Variants in MYBPHL observed in about 807,000 individuals in gnomAD.
MYBPHL encodes the protein myosin-binding protein H-like.
MYBPHL carries 32 observed loss-of-function variants against 39.5 expected under a neutral mutation model. The observed-to-expected ratio is 0.81, with a 90% confidence interval of 0.61 to 1.09. MYBPHL has a LOEUF of 1.09. Ranked by LOEUF, MYBPHL falls within the 50% of genes least tolerant of loss-of-function variation. The pLI is 0.00. For synonymous variants in MYBPHL, 196 were observed against 183.7 expected (o/e 1.07, Z -0.54); for missense variants, 456 against 460.2 (o/e 0.99, Z 0.08).
intron 7 of MYBPHL, among the ~76,000 whole-genome samples, chr1:109,294,762 G>C (rs1015682601): frequency 6.6e-6 from 1 of 152,146 alleles, no homozygotes. Context: ...AAAGAAAAAT[G>C]AGCTGAGCGA....
rs542841461 is a variant in MYBPHL, at chr1:109,302,155, TGA to T, written c.146-3900_146-3899del. 4.6e-5 allele frequency among the ~76,000 whole-genome samples: 7 copies of T among 152,094 alleles called. No homozygotes were observed. The South Asian group carries it at 1.2e-3, about 27-fold the overall frequency. ...TGAATGGTGTGTGTATGTGTGTGTA[TGA>T]GAGTGTGTGTGTGAGAGAGAGAGGG... On this transcript the variant is annotated intron_variant, in intron 1 of 8. Coordinates refer to ENST00000357155, the MANE Select transcript of MYBPHL (RefSeq NM_001010985.3).
chr1:109,300,035 T>C (rs1036611562), intron 1 of MYBPHL, among the ~76,000 whole-genome samples: 5 of 152,126 alleles, frequency 3.3e-5, no homozygotes, highest in Non-Finnish European at 5.9e-5. Flanking sequence ...TTCCCCACTG[T>C]TGGGGGAGGA....
intron 1 of MYBPHL, among the ~76,000 whole-genome samples, chr1:109,303,223 G>C (rs1394396460): frequency 2.0e-5 from 3 of 151,894 alleles, no homozygotes; most frequent in African/African-American, 7.3e-5. Flanking sequence ...GCAATTCTTT[G>C]GCACCACTGA....
chr1:109,298,059 C>T (rs1261358586), intron 2 of MYBPHL, 110 bp downstream of exon 2: 25 of 937,980 alleles, frequency 2.7e-5, no homozygotes, highest in African/African-American at 3.4e-5. Flanking sequence ...CCCTTCTATC[C>T]AAGGCTGGGA....
intron 7 of MYBPHL, among the ~76,000 whole-genome samples, chr1:109,294,750 A>C (rs888012158): frequency 2.6e-5 from 4 of 152,170 alleles, no homozygotes; most frequent in Non-Finnish European, 4.4e-5. Context: ...ATTGCACAGC[A>C]TAAAGAAAAA....
At position 109,296,289 on chromosome 1, in the gene MYBPHL, G is replaced by A. The variant is rs1293258597; in HGVS notation, c.812C>T (p.Thr271Ile). The A allele has an allele frequency of 3.1e-6, 5 of 1,613,932 alleles. No individual in the cohort carries two copies. Among genetic ancestry groups the A allele is most frequent in the Non-Finnish European group, 4.2e-6 (5 of 1,179,952 alleles). ...CTGGGTATTATAGCCGGTGACTGTA[G>A]TGCAGTCGGCCAGAGGCTGGGTAAA... ...PKFTQPLADC[T>I]TVTGYNTQLF... The change falls in exon 6 of 9, where the codon ACT becomes ATT. Residue 271 changes from threonine (T) to isoleucine (I), a missense_variant. Physicochemically the swap from Thr to Ile is moderately conservative, Grantham distance 89. Transcript: ENST00000357155.
At chr1:109,303,787 T>C (rs1658371694) in intron 1 of MYBPHL, among the ~76,000 whole-genome samples, 1 of 152,112 alleles carries the variant, frequency 6.6e-6, no homozygotes, top group Admixed American at 6.5e-5. Flanking sequence ...GGCTGTCTCG[T>C]AGACAAACCA....
chr1:109,296,704 G>T, intron 5 of MYBPHL, 79 bp downstream of exon 5: 1 of 1,552,770 alleles, frequency 6.4e-7, no homozygotes, highest in Non-Finnish European at 8.9e-7. Context: ...CTCCCAAAGT[G>T]CTGGAATTAG....
intron 1 of MYBPHL, among the ~76,000 whole-genome samples, chr1:109,301,426 C>A (rs1398501134): frequency 6.6e-6 from 1 of 152,124 alleles, no homozygotes; most frequent in Non-Finnish European, 1.5e-5. Context: ...CTGTTTAATT[C>A]TTTCTAAAAA....
At chr1:109,294,994 G>A in intron 7 of MYBPHL, 117 bp downstream of exon 7, 1 of 889,242 alleles carries the variant, frequency 1.1e-6, no homozygotes, top group Non-Finnish European at 1.7e-6. Flanking sequence ...TGATGAAAGA[G>A]TCCAGCGGAG....
chr1:109,297,028 C>T, intron 4 of MYBPHL, 22 bp downstream of exon 4: 1 of 1,614,136 alleles, frequency 6.2e-7, no homozygotes, highest in Non-Finnish European at 8.5e-7. Flanking sequence ...TTCCACCCTC[C>T]TTCCTTCCCA....
intron 5 of MYBPHL, 74 bp from the exon 6 acceptor site, chr1:109,296,444 T>TC (rs1214476962): frequency 1.3e-5 from 19 of 1,409,062 alleles, no homozygotes; most frequent in African/African-American, 5.9e-5. Context: ...CCTTAGTATT[T>TC]TTTTTTTTTT....
At chr1:109,292,765 T>G (rs590502) in intron 8 of MYBPHL, 177 bp from the exon 9 acceptor site, 69,108 of 152,166 alleles carry the variant, frequency 0.45, 17,057 homozygotes, top group Middle Eastern at 0.57. Flanking sequence ...GTGAGAGCCT[T>G]AAATAAATGT....
At chr1:109,302,650 C>T (rs770898970) in intron 1 of MYBPHL, among the ~76,000 whole-genome samples, 8 of 152,276 alleles carry the variant, frequency 5.3e-5, no homozygotes, top group Middle Eastern at 3.4e-3. Context: ...TCACATCTGG[C>T]CCACCACTCC....
intron 1 of MYBPHL, among the ~76,000 whole-genome samples, chr1:109,301,992 T>C (rs1256755807): frequency 2.0e-5 from 3 of 152,068 alleles, no homozygotes; most frequent in African/African-American, 7.2e-5. Context: ...AGAACCAAGA[T>C]GGAAGCATTG....
In MYBPHL at chr1:109,300,402, C is replaced by T. The variant is rs570182329; in HGVS notation, c.146-2145G>A. 5.3e-5 allele frequency among the ~76,000 whole-genome samples: 8 copies of T among 152,266 alleles called. No homozygotes were observed. In the South Asian group the frequency reaches 6.2e-4, roughly 12 times the overall value. On this transcript the variant is annotated intron_variant, in intron 1 of 8. Coordinates refer to ENST00000357155, the MANE Select transcript of MYBPHL (RefSeq NM_001010985.3). Reference sequence around the variant, plus strand: ...GGAGGGAGGAGGCCCAGAGGGAAGGCGGGGGCTAGACATACCCAAGAACTG... The same window carrying T: ...GGAGGGAGGAGGCCCAGAGGGAAGGTGGGGGCTAGACATACCCAAGAACTG...
At position 109,297,545 on chromosome 1, in the gene MYBPHL, T is replaced by C. The variant is rs369981170; in HGVS notation, c.307A>G (p.Asn103Asp). The C allele has an allele frequency of 6.2e-7, 1 of 1,613,940 alleles. No individual in the cohort carries two copies. Reference protein sequence around the residue: ...ALDTRRVSVRNGEQDSILFIR... With the variant: ...ALDTRRVSVRDGEQDSILFIR... ...AAGAGGATGGAGTCTTGCTCCCCAT[T>C]CCGCACACTCACACGCCTGGTGTCC... The change falls in exon 3 of 9, where the codon AAT (asparagine) becomes GAT (aspartate). Residue 103 changes from asparagine to aspartate, a missense_variant. Transcript: ENST00000357155.
rs1220064059 is a variant in MYBPHL, at chr1:109,295,179, C to A, written c.986G>T (p.Gly329Val). Residue 329 changes from glycine to valine, a missense_variant, in exon 7 of 9, where the codon GGC becomes GTC. Coordinates refer to ENST00000357155, the MANE Select transcript of MYBPHL (RefSeq NM_001010985.3). Reference sequence around the variant, plus strand: ...GTTCACCGCCTTGCAGGTATAGATGCCTCCATCAAAGGGACCCGGCTTGCG... The same window carrying A: ...GTTCACCGCCTTGCAGGTATAGATGACTCCATCAAAGGGACCCGGCTTGCG... Reference protein sequence around the residue: ...EIRKPGPFDGGIYTCKAVNPL... With the variant: ...EIRKPGPFDGVIYTCKAVNPL... 3.1e-6 allele frequency: 5 copies of A among 1,614,126 alleles called. No individual in the cohort carries two copies. The South Asian group carries it at 5.5e-5, about 18-fold the overall frequency.
At chr1:109,304,423 C>T (rs1658395357) in intron 1 of MYBPHL, among the ~76,000 whole-genome samples, 1 of 152,226 alleles carries the variant, frequency 6.6e-6, no homozygotes. Flanking sequence ...AGCGATGATG[C>T]TGAAGTCAGC....
Sources: allele counts gnomAD v4.1 joint callset (sites outside exome capture counted in the v4.1 genomes callset), GRCh38; gene constraint gnomAD v4.1.1; transcripts MANE v1.5; gene names NCBI Gene and HGNC (gene_info 2026-07-23, HGNC 2026-07-21).